EYS: variants seen among roughly 807,000 people sequenced by gnomAD.
EYS encodes the protein protein eyes shut homolog.
EYS carries 250 observed loss-of-function variants against 282.1 expected under a neutral mutation model. That is an observed-to-expected ratio of 0.89 (90% CI 0.80 to 0.98). EYS has a LOEUF of 0.98. Among genes scored for constraint, EYS ranks in the 50% least tolerant of loss-of-function variants. The pLI is 0.00. For missense variants in EYS, 4,016 were observed against 3,709.0 expected (o/e 1.08, Z -2.15); for synonymous variants, 1,355 against 1,282.9 (o/e 1.06, Z -1.20).
chr6:64,314,100 G>T (rs776512168), intron 29 of EYS, among the ~76,000 whole-genome samples: 1 of 148,900 alleles, frequency 6.7e-6, no homozygotes, highest in Non-Finnish European at 1.5e-5. Flanking sequence ...AAGACCCTTC[G>T]CTGTGCTGTA....
chr6:65,353,586 G>A lies in EYS; in HGVS notation c.1331C>T (p.Pro444Leu). Residue 444 changes from proline to leucine, a missense_variant, in exon 9 of 43, where the codon CCA (proline) becomes CTA (leucine). Coordinates refer to ENST00000503581, the MANE Select transcript of EYS (RefSeq NM_001142800.2). ...GTAAACATTCTTCAAAAACCAACAT[G>A]GATTTTTTGTGCACCCTGGAATGCA... The part of the protein sequence containing the change: ...YVCIPGCTKN[P>L]CWFLKNVYLI... The A allele has an allele frequency of 6.2e-7, 1 of 1,612,902 alleles. No individual in the cohort carries two copies.
intron 2 of EYS, among the ~76,000 whole-genome samples, chr6:65,534,972 CAT>C (rs149844793): frequency 2.0e-5 from 3 of 152,236 alleles, no homozygotes; most frequent in East Asian, 3.9e-4. Flanking sequence ...AATGAAAAAT[CAT>C]ACTGATGAGA....
intron 12 of EYS, among the ~76,000 whole-genome samples, chr6:65,096,192 T>C (rs1049497948): frequency 3.3e-5 from 5 of 150,970 alleles, no homozygotes; most frequent in Admixed American, 6.6e-5. Context: ...TTAAAATCAG[T>C]TGTGTTTTTA....
intron 26 of EYS, among the ~76,000 whole-genome samples, chr6:64,454,550 A>G (rs752879381): frequency 2.2e-4 from 34 of 152,084 alleles, no homozygotes; most frequent in Non-Finnish European, 4.1e-4. Flanking sequence ...TTTTTTTTCA[A>G]TAAATACATT....
intron 29 of EYS, among the ~76,000 whole-genome samples, chr6:64,368,296 C>A (rs1412993977): frequency 6.6e-6 from 1 of 152,042 alleles, no homozygotes; most frequent in South Asian, 2.1e-4. Context: ...TGACTTCTTT[C>A]GTGGTGTATA....
At chr6:64,400,992 T>C (rs757416488) in intron 28 of EYS, among the ~76,000 whole-genome samples, 7 of 151,836 alleles carry the variant, frequency 4.6e-5, no homozygotes, top group Non-Finnish European at 1.0e-4. Flanking sequence ...GTATTCAGAG[T>C]AGATGCCTGG....
intron 33 of EYS, among the ~76,000 whole-genome samples, chr6:64,039,210 T>C (rs1179888468): frequency 6.6e-6 from 1 of 152,230 alleles, no homozygotes; most frequent in Non-Finnish European, 1.5e-5. Flanking sequence ...CAAAATAAAT[T>C]TCTTAATAGA....
rs145821548 is a variant in EYS at position 64,545,057 on chromosome 6, G to C, written c.5644+45166C>G. ...CATCCTGATACCAAAGCCTAGCAGA[G>C]ACACAACAAAGAAAGAGAATTTTAG... On this transcript the variant is annotated intron_variant, in intron 26 of 42. Coordinates refer to ENST00000503581, the MANE Select transcript of EYS (RefSeq NM_001142800.2). 5.2e-3 allele frequency among the ~76,000 whole-genome samples: 793 copies of C among 152,230 alleles called. 7 individuals are homozygous for C. The highest frequency in any genetic ancestry group is 8.8e-3 in the Admixed American group (135 of 15,278).
intron 2 of EYS, among the ~76,000 whole-genome samples, chr6:65,576,476 T>C (rs1279087432): frequency 6.6e-6 from 1 of 151,962 alleles, no homozygotes; most frequent in African/African-American, 2.4e-5. Flanking sequence ...AACATTATAC[T>C]AAATGGTAAA....
intron 22 of EYS, among the ~76,000 whole-genome samples, chr6:64,681,671 A>C (rs1006527827): frequency 2.6e-5 from 4 of 152,142 alleles, no homozygotes; most frequent in African/African-American, 9.6e-5. Flanking sequence ...AGGCGGGCGC[A>C]TCACAAGGTC....
At chr6:64,148,698 T>C (rs74954511) in intron 31 of EYS, among the ~76,000 whole-genome samples, 1,751 of 152,258 alleles carry the variant, frequency 0.012, 35 homozygotes, top group African/African-American at 0.039. Context: ...TCCTATACTT[T>C]CTTTGTTTCT....
chr6:64,753,633 A>G (rs569736084), intron 22 of EYS, among the ~76,000 whole-genome samples: 1 of 151,892 alleles, frequency 6.6e-6, no homozygotes, highest in East Asian at 1.9e-4. Context: ...ATGCTACTAG[A>G]TAAAAGAGAT....
At chr6:65,671,775 A>AAATGTG (rs1768397816) in intron 1 of EYS, among the ~76,000 whole-genome samples, 1 of 152,138 alleles carries the variant, frequency 6.6e-6, no homozygotes, top group East Asian at 1.9e-4. Flanking sequence ...CTTAGCTCAG[A>AAATGTG]AATGTGCAAT....
intron 2 of EYS, among the ~76,000 whole-genome samples, chr6:65,509,995 T>C (rs2127286659): frequency 6.6e-6 from 1 of 152,028 alleles, no homozygotes; most frequent in African/African-American, 2.4e-5. Context: ...CTCTTTTTGC[T>C]GGAGAAAATT....
intron 30 of EYS, among the ~76,000 whole-genome samples, chr6:64,302,823 A>G (rs1769283225): frequency 6.6e-6 from 1 of 152,194 alleles, no homozygotes; most frequent in Non-Finnish European, 1.5e-5. Context: ...TAAAACCTGC[A>G]CTTTTATGGA....
chr6:64,537,535 A>G (rs988653706), intron 26 of EYS, among the ~76,000 whole-genome samples: 3 of 152,136 alleles, frequency 2.0e-5, no homozygotes, highest in Non-Finnish European at 4.4e-5. Flanking sequence ...AGTAAAACAT[A>G]TATTTTTATT....
intron 42 of EYS, among the ~76,000 whole-genome samples, chr6:63,726,030 A>T (rs1768601232): frequency 6.6e-6 from 1 of 152,180 alleles, no homozygotes; most frequent in Admixed American, 6.5e-5. Flanking sequence ...TTTATTTCAT[A>T]TTTTATGATA....
chr6:64,063,350 CT>C (rs1251483959), intron 33 of EYS, among the ~76,000 whole-genome samples: 2 of 151,668 alleles, frequency 1.3e-5, no homozygotes, highest in African/African-American at 4.8e-5. Context: ...CTAACCTGCT[CT>C]TCTTGCATTG....
chr6:65,206,964 C>T (rs1191076531), intron 12 of EYS, among the ~76,000 whole-genome samples: 1 of 151,728 alleles, frequency 6.6e-6, no homozygotes, highest in Non-Finnish European at 1.5e-5. Flanking sequence ...AGAACTGGAC[C>T]AAGAAAAGGA....
Sources: gnomAD v4.1 joint callset for allele counts (sites outside exome capture counted in the v4.1 genomes callset) on GRCh38, gnomAD v4.1.1 for gene constraint, MANE v1.5 for transcripts, NCBI Gene and HGNC (gene_info 2026-07-23, HGNC 2026-07-21) for gene names.